Variants in IGF2R observed in about 807,000 individuals in gnomAD.
IGF2R encodes insulin like growth factor 2 receptor.
IGF2R carries 91 observed loss-of-function variants against 270.6 expected under a neutral mutation model. That is an observed-to-expected ratio of 0.34 (90% CI 0.28 to 0.40). IGF2R has a LOEUF of 0.40. IGF2R is among the 10% of genes least tolerant of loss of function. The pLI, the probability that IGF2R is intolerant of heterozygous loss-of-function variation, is 1.00. For synonymous variants in IGF2R, 1,316 were observed against 1,258.9 expected, an observed-to-expected ratio of 1.05 and a Z score of -0.96; for missense variants, 2,805 against 3,188.3, an observed-to-expected ratio of 0.88 and a Z score of 2.90.
rs757881851 is a variant in IGF2R at position 160,027,240 on chromosome 6, C to G, written c.702C>G (p.Ala234=). The change falls in exon 6 of 48, where the codon GCC becomes GCG. Residue 234 remains alanine (A), a synonymous_variant. Transcript: ENST00000356956. The part of the protein sequence containing the change: ...QLRACPPGTA[A]CLVRGHQAFD... Reference sequence around the variant, plus strand: ...GGGCCTGTCCCCCCGGCACTGCCGCCTGCCTGGTAAGAGGACACCAGGCGT... The same window carrying G: ...GGGCCTGTCCCCCCGGCACTGCCGCGTGCCTGGTAAGAGGACACCAGGCGT... 1 of 1,614,252 alleles carries G rather than the reference C, an allele frequency of 6.2e-7. No individual in the cohort carries two copies. The highest frequency in any genetic ancestry group is 1.7e-5 in the Admixed American group (1 of 60,038).
At chr6:160,100,610 A>G (rs1411237788) in intron 45 of IGF2R, among the ~76,000 whole-genome samples, 1 of 152,078 alleles carries the variant, frequency 6.6e-6, no homozygotes, top group Admixed American at 6.6e-5. Context: ...TTTAATAGAC[A>G]TGCGCAGAAC....
At chr6:160,075,405 C>A (rs1300395688) in intron 35 of IGF2R, among the ~76,000 whole-genome samples, 3 of 152,208 alleles carry the variant, frequency 2.0e-5, no homozygotes, top group Non-Finnish European at 4.4e-5. Context: ...AGTCCCGGGG[C>A]AGCACTGGGC....
chr6:160,039,951 G>A (rs575013808), intron 10 of IGF2R, among the ~76,000 whole-genome samples: 1 of 152,314 alleles, frequency 6.6e-6, no homozygotes, highest in South Asian at 2.1e-4. Flanking sequence ...ACAGACAGGT[G>A]CACTGACGGA....
At chr6:159,972,073 G>A (rs996547504) in intron 1 of IGF2R, among the ~76,000 whole-genome samples, 1 of 152,022 alleles carries the variant, frequency 6.6e-6, no homozygotes, top group South Asian at 2.1e-4. Flanking sequence ...TAAAATTTCC[G>A]TAAATGTAGC....
Position 160,070,011 on chromosome 6 carries a change from C to T in IGF2R, c.4396C>T (p.Arg1466Trp), listed in dbSNP as rs375281736. 8.9e-5 allele frequency: 144 copies of T among 1,614,070 alleles called. No homozygotes were observed. Among genetic ancestry groups the T allele is most frequent in the Non-Finnish European group, 1.1e-4 (129 of 1,180,040 alleles). ...VDGDLCPDGI[R>W]KKSTTIRFTC... ...TGGCGACTTATGTCCAGATGGGATT[C>T]GGAAAAAGTCAACCACCATCCGATT... Residue 1466 changes from arginine to tryptophan, a missense_variant, in exon 31 of 48, where the codon CGG (arginine) becomes TGG (tryptophan). This residue lies in a region of IGF2R where 1,851 missense variants were observed against 2,207.2 expected (regional missense o/e 0.84). Transcript: ENST00000356956.
At chr6:160,099,345 T>C (rs558318660) in intron 45 of IGF2R, among the ~76,000 whole-genome samples, 1 of 151,532 alleles carries the variant, frequency 6.6e-6, no homozygotes, top group African/African-American at 2.4e-5. Context: ...TGTTATGTTA[T>C]GTTATGTTAT....
At chr6:159,978,699 A>G (rs1037622429) in intron 1 of IGF2R, among the ~76,000 whole-genome samples, 1 of 151,876 alleles carries the variant, frequency 6.6e-6, no homozygotes, top group African/African-American at 2.4e-5. Context: ...TGCCCAAAGC[A>G]ATGCGTCATA....
In IGF2R at chr6:160,024,561, C is replaced by T. The variant is rs1167065266; in HGVS notation, c.514-11C>T. ...ATACTGAAGACTCACTTTTTTCTTCCTCCCTTCCAGGTGCCATGCTATGTG... is the reference window on the plus strand; with the variant it reads ...ATACTGAAGACTCACTTTTTTCTTCTTCCCTTCCAGGTGCCATGCTATGTG... On this transcript the variant is annotated splice_polypyrimidine_tract_variant and intron_variant, in intron 4 of 47. Transcript: ENST00000356956. 1 of 1,611,856 alleles carries T rather than the reference C, an allele frequency of 6.2e-7. No individual in the cohort carries two copies. The highest frequency in any genetic ancestry group is 8.5e-7 in the Non-Finnish European group (1 of 1,179,296).
chr6:160,103,903 G>A (rs1043206538), intron 47 of IGF2R, 88 bp downstream of exon 47: 21 of 883,128 alleles, frequency 2.4e-5, no homozygotes, highest in Non-Finnish European at 3.8e-5. Context: ...GGGGTGCCAA[G>A]GAAAGCAGTC....
At position 160,079,788 on chromosome 6, in the gene IGF2R, G is replaced by T; in HGVS notation, c.5686+1G>T. On this transcript the variant is annotated splice_donor_variant, in intron 38 of 47. Coordinates refer to ENST00000356956, the MANE Select transcript of IGF2R (RefSeq NM_000876.4). LOFTEE classifies it high-confidence loss of function. ...GTGAATGGTGATCGTTGCCCTCCAG[G>T]TAAATATTTGCAATGAGGTAAATAA... The T allele has an allele frequency of 6.9e-7, 1 of 1,447,352 alleles. No homozygotes were observed. Among genetic ancestry groups the T allele is most frequent in the Non-Finnish European group, 9.1e-7 (1 of 1,095,482 alleles). The allele number at this position is 1,447,352 out of a possible 1,614,324, so 89.7% of individuals were successfully genotyped here.
intron 1 of IGF2R, among the ~76,000 whole-genome samples, chr6:159,988,575 G>C (rs998831895): frequency 5.3e-5 from 8 of 149,540 alleles, no homozygotes; most frequent in Non-Finnish European, 1.0e-4. Flanking sequence ...GATCTCTTTA[G>C]CGTTGATTCC....
intron 45 of IGF2R, among the ~76,000 whole-genome samples, chr6:160,101,523 G>T (rs542798792): frequency 6.6e-6 from 1 of 152,378 alleles, no homozygotes; most frequent in South Asian, 2.1e-4. Context: ...GAGAGCGGCA[G>T]CCCTTGCGGC....
chr6:160,068,174 G>C lies in IGF2R; in HGVS notation c.4116-75G>C. The C allele has an allele frequency of 2.0e-6, 3 of 1,503,612 alleles. No homozygotes were observed. In the South Asian group the frequency reaches 3.5e-5, roughly 18 times the overall value. 93.1% of individuals were successfully genotyped at this position (1,503,612 alleles called of 1,614,324 possible). A position where few individuals can be genotyped will look rare whatever the true frequency, so the allele number is the denominator to read the frequency against. The stretch of plus-strand genomic sequence containing the variant: ...TTAGACTATGCCTGAATACTTGAAC[G>C]TTTCTAGACAGAGTGCCCAATGTTT... On this transcript the variant is annotated intron_variant, in intron 29 of 47. Transcript: ENST00000356956.
rs1400544856 is a variant in IGF2R at position 160,102,041 on chromosome 6, C to A, written c.6843-478C>A. Among the ~76,000 whole-genome samples, 1 of 152,160 alleles carries A rather than the reference C, an allele frequency of 6.6e-6. No individual in the cohort carries two copies. The highest frequency in any genetic ancestry group is 1.5e-5 in the Non-Finnish European group (1 of 68,034). ...GGCCGCCCCTGGGCCCCGTCCTGGC[C>A]TGTTTCTAAGGCCCCCTGGGCCCCT... On this transcript the variant is annotated intron_variant, in intron 45 of 47. Transcript: ENST00000356956. The surrounding 1 kb of genome is among the most constrained non-coding windows in gnomAD (Gnocchi z 4.5).
chr6:160,027,681 A>C (rs558222089), intron 6 of IGF2R, among the ~76,000 whole-genome samples: 4 of 152,324 alleles, frequency 2.6e-5, no homozygotes, highest in African/African-American at 7.2e-5. Context: ...AGGGCAAGAG[A>C]CAGGAGGGAC....
intron 20 of IGF2R, among the ~76,000 whole-genome samples, chr6:160,057,221 G>A (rs377566125): frequency 2.2e-4 from 34 of 152,316 alleles, no homozygotes; most frequent in South Asian, 1.2e-3. Context: ...GGCTCCTCCC[G>A]CCTTCTGCCC....
chr6:160,064,460 G>A lies in IGF2R; in HGVS notation c.3946G>A (p.Gly1316Arg). ...CTTGTTAAAAATGAACTTCACGGGG[G>A]GGGACACTTGCCATAAGGTTTATCA... ...NGLLKMNFTGGDTCHKVYQRS... is the reference protein window; with the variant it reads ...NGLLKMNFTGRDTCHKVYQRS... The change falls in exon 28 of 48, where the codon GGG (glycine) becomes AGG (arginine). Residue 1316 changes from glycine (G) to arginine (R), a missense_variant. Around this residue, in one of 2 missense-constraint regions of IGF2R, gnomAD observed 1,851 missense variants for 2,207.2 expected, o/e 0.84. Coordinates refer to ENST00000356956, the MANE Select transcript of IGF2R (RefSeq NM_000876.4). 6.2e-7 allele frequency: 1 copy of A among 1,614,092 alleles called. No homozygotes were observed.
Position 160,061,766 on chromosome 6 carries a change from G to A in IGF2R, c.3420G>A (p.Gly1140=). 1.2e-6 allele frequency: 2 copies of A among 1,614,156 alleles called. No homozygotes were observed. Among genetic ancestry groups the A allele is most frequent in the South Asian group, 1.1e-5 (1 of 91,078 alleles). ...CTGTTCTTCCAGGCAGCGCAGTGGGGTCTTGCTTAGTGTCAGAAGGCAATA... is the reference window on the plus strand; with the variant it reads ...CTGTTCTTCCAGGCAGCGCAGTGGGATCTTGCTTAGTGTCAGAAGGCAATA... ...YIPGCQGSAV[G]SCLVSEGNSW... is the part of the protein sequence containing the mutation. Residue 1140 remains glycine (G), a synonymous_variant, in exon 25 of 48, where the codon GGG becomes GGA. Coordinates refer to ENST00000356956, the MANE Select transcript of IGF2R (RefSeq NM_000876.4).
intron 1 of IGF2R, among the ~76,000 whole-genome samples, chr6:159,985,987 G>C (rs980403509): frequency 6.6e-6 from 1 of 152,136 alleles, no homozygotes; most frequent in African/African-American, 2.4e-5. Context: ...CTAAAATCAG[G>C]CTGCCTCCCT....
Sources: allele counts gnomAD v4.1 joint callset (sites outside exome capture counted in the v4.1 genomes callset), GRCh38; gene constraint gnomAD v4.1.1; regional missense constraint gnomAD v4.1.1; non-coding constraint Gnocchi (gnomAD v3.1); transcripts MANE v1.5; gene names NCBI Gene and HGNC (gene_info 2026-07-23, HGNC 2026-07-21).